The following SHCBP1L variants were observed in gnomAD, a reference collection of about 807,000 sequenced individuals.
SHCBP1L encodes the protein testicular spindle-associated protein SHCBP1L.
A neutral mutation model predicts 62.5 loss-of-function variants in SHCBP1L; 67 were observed. That is an observed-to-expected ratio of 1.07 (90% CI 0.88 to 1.31). The LOEUF (loss-of-function observed/expected upper bound fraction) is 1.31, where lower values mean the gene tolerates loss of function less well. SHCBP1L is among the 40% of genes most tolerant of loss of function. SHCBP1L has a pLI of 0.00. For missense variants in SHCBP1L, 823 were observed against 809.8 expected (o/e 1.02, Z -0.20); for synonymous variants, 284 against 289.4 (o/e 0.98, Z 0.19).
In SHCBP1L at chr1:182,909,701, T is replaced by TAC. The variant is rs1650121425; in HGVS notation, c.1183-4054_1183-4053dup. Among the ~76,000 whole-genome samples, 4 of 152,326 alleles carry TAC rather than the reference T, an allele frequency of 2.6e-5. No homozygotes were observed. In the South Asian group the frequency reaches 8.3e-4, roughly 32 times the overall value. Reference sequence around the variant, plus strand: ...TGCAGGGCTGACAGCAGGACTTGAGTACACACGGATTTGGATACATGCCAA... The same window carrying TAC: ...TGCAGGGCTGACAGCAGGACTTGAGTACACACACGGATTTGGATACATGCCAA... On this transcript the variant is annotated intron_variant, in intron 6 of 9. Transcript: ENST00000367547.
In SHCBP1L at chr1:182,952,856, A is replaced by T; in HGVS notation, c.278T>A (p.Leu93Gln). Reference sequence around the variant, plus strand: ...CTCTTCATCCTCAGGCACTGGCAGCAGGGGCTCCTCCGCCGCCGCCGCCGC... The same window carrying T: ...CTCTTCATCCTCAGGCACTGGCAGCTGGGGCTCCTCCGCCGCCGCCGCCGC... ...EAAAAAAEEP[L>Q]LPVPEDEEEA... is the part of the protein sequence containing the mutation. Residue 93 changes from leucine to glutamine, a missense_variant, in exon 1 of 10, where the codon CTG (leucine) becomes CAG (glutamine). Coordinates refer to ENST00000367547, the MANE Select transcript of SHCBP1L (RefSeq NM_030933.4). 4.4e-6 allele frequency: 7 copies of T among 1,608,404 alleles called. No individual in the cohort carries two copies. The highest frequency in any genetic ancestry group is 5.9e-6 in the Non-Finnish European group (7 of 1,178,188).
At chr1:182,911,537 C>T (rs1431932386) in intron 6 of SHCBP1L, among the ~76,000 whole-genome samples, 1 of 152,168 alleles carries the variant, frequency 6.6e-6, no homozygotes, top group African/African-American at 2.4e-5. Context: ...CCAGATAAGA[C>T]TTTGGACTTA....
rs1649985139 is a variant in SHCBP1L, at chr1:182,905,561, A to G, written c.1271T>C (p.Ile424Thr). The G allele has an allele frequency of 2.5e-6, 4 of 1,613,706 alleles. No individual in the cohort carries two copies. The African/African-American group carries it at 5.3e-5, about 22-fold the overall frequency. Residue 424 changes from isoleucine to threonine, a missense_variant, in exon 7 of 10, where the codon ATA (isoleucine) becomes ACA (threonine). By Grantham distance (89) the Ile-to-Thr change is moderately conservative. Transcript: ENST00000367547. ...AGCTTGATATTCTCCTGGAAAAATT[A>G]TTACTGTATCTCCACTATAACAATT... ...LDNCYSGDTV[I>T]IFPGEYQAAN...
intron 6 of SHCBP1L, among the ~76,000 whole-genome samples, chr1:182,912,336 T>G (rs1405021605): frequency 6.6e-6 from 1 of 152,100 alleles, no homozygotes; most frequent in African/African-American, 2.4e-5. Flanking sequence ...ACCCCATAAT[T>G]TGAGGCCAAT....
At chr1:182,928,276 C>CG (rs1650850263) in intron 6 of SHCBP1L, among the ~76,000 whole-genome samples, 1 of 152,048 alleles carries the variant, frequency 6.6e-6, no homozygotes, top group Admixed American at 6.5e-5. Flanking sequence ...TATTCATTCA[C>CG]CAAAAATTGC....
intron 6 of SHCBP1L, among the ~76,000 whole-genome samples, chr1:182,926,423 T>C (rs1315547834): frequency 6.6e-6 from 1 of 152,156 alleles, no homozygotes; most frequent in African/African-American, 2.4e-5. Context: ...AACTGCAAAA[T>C]AGTAATAATA....
At chr1:182,901,937 T>G (rs973141070) in intron 9 of SHCBP1L, among the ~76,000 whole-genome samples, 1 of 152,096 alleles carries the variant, frequency 6.6e-6, no homozygotes, top group African/African-American at 2.4e-5. Flanking sequence ...CATGCTAACA[T>G]TCAAGGACCA....
chr1:182,941,020 A>G (rs1651344963), intron 2 of SHCBP1L, among the ~76,000 whole-genome samples: 1 of 152,138 alleles, frequency 6.6e-6, no homozygotes, highest in Admixed American at 6.5e-5. Context: ...CCCAGCTAAT[A>G]TTATCGAAAA....
intron 6 of SHCBP1L, among the ~76,000 whole-genome samples, chr1:182,924,974 G>GAAAGAAAGAAA (rs1344712194): frequency 2.0e-4 from 22 of 109,494 alleles, no homozygotes; most frequent in Non-Finnish European, 3.3e-4. Context: ...AAGAAAGAAA[G>GAAAGAAAGAAA]AAAAAAAAAG....
chr1:182,941,695 C>T (rs1487422724), intron 2 of SHCBP1L, among the ~76,000 whole-genome samples: 1 of 152,104 alleles, frequency 6.6e-6, no homozygotes, highest in East Asian at 1.9e-4. Flanking sequence ...CTTTAGGAAA[C>T]AATTCTTCTA....
At chr1:182,912,593 G>A (rs781144486) in intron 6 of SHCBP1L, among the ~76,000 whole-genome samples, 8 of 151,860 alleles carry the variant, frequency 5.3e-5, no homozygotes, top group South Asian at 4.2e-4. Context: ...CGCAATCTCG[G>A]TTCATTGCAA....
intron 6 of SHCBP1L, among the ~76,000 whole-genome samples, chr1:182,914,295 A>T (rs999985749): frequency 5.9e-5 from 9 of 152,324 alleles, no homozygotes; most frequent in African/African-American, 1.9e-4. Context: ...AACAGAAGTA[A>T]CTCAAAGCCA....
At chr1:182,924,793 AAAGAAAG>A (rs1650658032) in intron 6 of SHCBP1L, among the ~76,000 whole-genome samples, 1 of 118,948 alleles carries the variant, frequency 8.4e-6, no homozygotes, top group African/African-American at 4.9e-5. Flanking sequence ...AGAAAGAGAG[AAAGAAAG>A]GAAGGAAGGA....
At chr1:182,900,274 T>G (rs781586450) in intron 9 of SHCBP1L, 40 bp from the exon 10 acceptor site, 1 of 1,471,774 alleles carries the variant, frequency 6.8e-7, no homozygotes, top group Admixed American at 2.3e-5. Context: ...TCAATGATTT[T>G]ATTTAAAAAA....
At chr1:182,951,498 A>G in intron 1 of SHCBP1L, 31 bp from the exon 2 acceptor site, 1 of 1,441,074 alleles carries the variant, frequency 6.9e-7, no homozygotes, top group Non-Finnish European at 9.3e-7. Flanking sequence ...TCTACATATA[A>G]ATATATGAAA....
chr1:182,926,105 C>A (rs1203810818), intron 6 of SHCBP1L, among the ~76,000 whole-genome samples: 2 of 151,934 alleles, frequency 1.3e-5, no homozygotes, highest in Non-Finnish European at 2.9e-5. Context: ...TGGTTAGGAA[C>A]CAGACAGATG....
At chr1:182,933,978 G>A (rs1000249692) in intron 5 of SHCBP1L, among the ~76,000 whole-genome samples, 5 of 152,206 alleles carry the variant, frequency 3.3e-5, no homozygotes, top group African/African-American at 1.2e-4. Context: ...TTTGTGAGTA[G>A]TTTTTCATTT....
Sources: gnomAD v4.1 joint callset for allele counts (sites outside exome capture counted in the v4.1 genomes callset) on GRCh38, gnomAD v4.1.1 for gene constraint, MANE v1.5 for transcripts, NCBI Gene and HGNC (gene_info 2026-07-23, HGNC 2026-07-21) for gene names.